Variants in SLC35F3 observed in about 807,000 individuals in gnomAD.
The protein encoded by SLC35F3 is solute carrier family 35 member F3.
In SLC35F3, 25 loss-of-function variants were observed where a neutral mutation model predicts 49.9. That is an observed-to-expected ratio of 0.50 (90% CI 0.37 to 0.70). The LOEUF (loss-of-function observed/expected upper bound fraction) is 0.70, where lower values mean the gene tolerates loss of function less well. Among genes scored for constraint, SLC35F3 ranks in the 30% least tolerant of loss-of-function variants. The pLI is 0.00. For missense variants in SLC35F3, 525 were observed against 639.8 expected, an observed-to-expected ratio of 0.82 and a Z score of 1.94; for synonymous variants, 275 against 265.4, an observed-to-expected ratio of 1.04 and a Z score of -0.35.
At chr1:233,908,904 A>G (rs1466218314) in intron 2 of SLC35F3, among the ~76,000 whole-genome samples, 2 of 151,526 alleles carry the variant, frequency 1.3e-5, no homozygotes, top group Admixed American at 6.6e-5. Context: ...CGCCCAGGCT[A>G]GAGTGCAGTG....
At chr1:234,076,792 A>G (rs1369962988) in intron 2 of SLC35F3, among the ~76,000 whole-genome samples, 3 of 151,996 alleles carry the variant, frequency 2.0e-5, no homozygotes, top group Non-Finnish European at 4.4e-5. Flanking sequence ...AGAAAAAGCT[A>G]GAATCCTAGC....
chr1:234,178,138 C>G (rs893238651), intron 2 of SLC35F3, among the ~76,000 whole-genome samples: 1 of 152,112 alleles, frequency 6.6e-6, no homozygotes, highest in African/African-American at 2.4e-5. Context: ...GAGCACCATG[C>G]CCCAGTTGCC....
chr1:233,959,044 A>G (rs566769281), intron 2 of SLC35F3, among the ~76,000 whole-genome samples: 1 of 152,366 alleles, frequency 6.6e-6, no homozygotes, highest in Admixed American at 6.5e-5. Flanking sequence ...AAGAAAGGTT[A>G]AGGGTCCATT....
intron 2 of SLC35F3, among the ~76,000 whole-genome samples, chr1:234,056,530 C>T (rs190973540): frequency 6.6e-6 from 1 of 152,194 alleles, no homozygotes; most frequent in Admixed American, 6.5e-5. Flanking sequence ...CTATTCCCCC[C>T]TCCACCCAGC....
At chr1:233,959,615 G>A (rs185260598) in intron 2 of SLC35F3, among the ~76,000 whole-genome samples, 2 of 152,272 alleles carry the variant, frequency 1.3e-5, no homozygotes, top group East Asian at 1.9e-4. Context: ...GACTAAATGG[G>A]TAGAAATAAC....
At chr1:234,161,812 A>G (rs946771728) in intron 2 of SLC35F3, among the ~76,000 whole-genome samples, 4 of 152,096 alleles carry the variant, frequency 2.6e-5, no homozygotes, top group Non-Finnish European at 5.9e-5. Context: ...TCTCAAAAAA[A>G]TATATATCAA....
chr1:234,093,577 C>G (rs1665075475), intron 2 of SLC35F3, among the ~76,000 whole-genome samples: 1 of 152,228 alleles, frequency 6.6e-6, no homozygotes. Flanking sequence ...ATGCAACAAA[C>G]ACTCACCCCT....
At chr1:234,079,565 A>G (rs891061445) in intron 2 of SLC35F3, among the ~76,000 whole-genome samples, 2 of 152,220 alleles carry the variant, frequency 1.3e-5, no homozygotes, top group African/African-American at 4.8e-5. Flanking sequence ...CAACAATAAA[A>G]AAGTCATGAA....
intron 2 of SLC35F3, among the ~76,000 whole-genome samples, chr1:234,013,356 A>C (rs914051910): frequency 6.6e-6 from 1 of 152,152 alleles, no homozygotes; most frequent in African/African-American, 2.4e-5. Context: ...TCTAAGGAGA[A>C]ATTTTTAGCA....
chr1:234,033,740 C>G (rs534387792), intron 2 of SLC35F3, among the ~76,000 whole-genome samples: 12 of 152,296 alleles, frequency 7.9e-5, no homozygotes, highest in African/African-American at 2.9e-4. Context: ...CAGTATCATG[C>G]TGTTTCAGTG....
At chr1:234,195,482 C>T (rs1165918244) in intron 2 of SLC35F3, among the ~76,000 whole-genome samples, 1 of 152,136 alleles carries the variant, frequency 6.6e-6, no homozygotes, top group Non-Finnish European at 1.5e-5. Flanking sequence ...CTGCCTATTC[C>T]ACTGGCCTTA....
intron 2 of SLC35F3, among the ~76,000 whole-genome samples, chr1:233,967,981 T>C (rs946566753): frequency 4.6e-5 from 7 of 152,210 alleles, no homozygotes; most frequent in African/African-American, 1.7e-4. Flanking sequence ...ATAAACCAAG[T>C]ACCACAAACT....
At position 234,266,071 on chromosome 1, in the gene SLC35F3, C is replaced by T. The variant is rs575492374; in HGVS notation, c.608+34330C>T. ...TGTTTTTCTCTACAAGGCATAGGAGCATTGACACACTATTTACTCTATATG... is the reference window on the plus strand; with the variant it reads ...TGTTTTTCTCTACAAGGCATAGGAGTATTGACACACTATTTACTCTATATG... On this transcript the variant is annotated intron_variant, in intron 3 of 7. Transcript: ENST00000366618. 4.6e-5 allele frequency among the ~76,000 whole-genome samples: 7 copies of T among 152,296 alleles called. No individual in the cohort carries two copies. In the East Asian group the frequency reaches 1.3e-3, roughly 29 times the overall value.
intron 2 of SLC35F3, among the ~76,000 whole-genome samples, chr1:234,201,254 G>A (rs1046346958): frequency 9.9e-5 from 15 of 152,128 alleles, no homozygotes; most frequent in African/African-American, 3.6e-4. Flanking sequence ...GACAAACTTG[G>A]GTTTACCTAT....
chr1:234,152,387 C>A (rs1391959294), intron 2 of SLC35F3, among the ~76,000 whole-genome samples: 1 of 152,058 alleles, frequency 6.6e-6, no homozygotes, highest in African/African-American at 2.4e-5. Context: ...CTCCCCTAGC[C>A]TCCCATCCAC....
At chr1:233,951,084 C>T (rs1421579166) in intron 2 of SLC35F3, among the ~76,000 whole-genome samples, 1 of 151,120 alleles carries the variant, frequency 6.6e-6, no homozygotes, top group Non-Finnish European at 1.5e-5. Context: ...GCTTCATGCT[C>T]TATAATATAT....
intron 3 of SLC35F3, among the ~76,000 whole-genome samples, chr1:234,298,304 G>A (rs1668636843): frequency 6.6e-6 from 1 of 152,206 alleles, no homozygotes; most frequent in Non-Finnish European, 1.5e-5. Context: ...TCAGAGATCT[G>A]AAGGGGTGAG....
At chr1:234,033,595 C>T (rs762379835) in intron 2 of SLC35F3, among the ~76,000 whole-genome samples, 34 of 152,174 alleles carry the variant, frequency 2.2e-4, no homozygotes, top group Non-Finnish European at 4.4e-4. Context: ...TATCCCAGCA[C>T]CATTTGTTGA....
chr1:234,092,641 G>A (rs1328706893), intron 2 of SLC35F3, among the ~76,000 whole-genome samples: 1 of 152,198 alleles, frequency 6.6e-6, no homozygotes, highest in Admixed American at 6.5e-5. Context: ...GCCAAGGCAG[G>A]AGGATCACTT....
Sources: allele counts gnomAD v4.1 joint callset (sites outside exome capture counted in the v4.1 genomes callset), GRCh38; gene constraint gnomAD v4.1.1; transcripts MANE v1.5; gene names NCBI Gene and HGNC (gene_info 2026-07-23, HGNC 2026-07-21).